KIAA0319L: variants seen among roughly 807,000 people sequenced by gnomAD.
KIAA0319L encodes the protein dyslexia-associated protein KIAA0319-like protein.
KIAA0319L carries 55 observed loss-of-function variants against 120.1 expected under a neutral mutation model. The ratio of observed to expected loss-of-function variants is 0.46; its 90% confidence interval spans 0.37 to 0.57. The LOEUF (loss-of-function observed/expected upper bound fraction) is 0.57, where lower values mean the gene tolerates loss of function less well. Among genes scored for constraint, KIAA0319L ranks in the 20% least tolerant of loss-of-function variants. KIAA0319L has a pLI of 0.00. For synonymous variants in KIAA0319L, 398 were observed against 471.9 expected, an observed-to-expected ratio of 0.84 and a Z score of 2.03; for missense variants, 1,049 against 1,255.3, an observed-to-expected ratio of 0.84 and a Z score of 2.48.
intron 5 of KIAA0319L, among the ~76,000 whole-genome samples, chr1:35,472,896 C>T (rs1558391544): frequency 6.7e-6 from 1 of 148,864 alleles, no homozygotes; most frequent in East Asian, 2.0e-4. Context: ...TCAAGCAATT[C>T]TCAAGCCTCA....
chr1:35,518,599 T>C (rs1645778287), intron 2 of KIAA0319L, among the ~76,000 whole-genome samples: 1 of 152,062 alleles, frequency 6.6e-6, no homozygotes, highest in Admixed American at 6.6e-5. Context: ...AAATAACTAT[T>C]GGGTACTAGG....
intron 9 of KIAA0319L, among the ~76,000 whole-genome samples, 178 bp downstream of exon 9, chr1:35,460,127 A>G (rs570084105): frequency 6.6e-6 from 1 of 152,344 alleles, no homozygotes; most frequent in Non-Finnish European, 1.5e-5. Context: ...CTAAAAAGTT[A>G]CCATTGTTGT....
chr1:35,537,615 TAAAAAAAAA>T (rs58080321), intron 2 of KIAA0319L, among the ~76,000 whole-genome samples: 1 of 102,938 alleles, frequency 9.7e-6, no homozygotes, highest in South Asian at 3.3e-4. Context: ...TAAGCGCCAT[TAAAAAAAAA>T]AAAAAAAAAA....
chr1:35,502,107 T>C (rs1410665418), intron 3 of KIAA0319L, among the ~76,000 whole-genome samples: 6 of 151,606 alleles, frequency 4.0e-5, no homozygotes, highest in African/African-American at 7.3e-5. Context: ...TGAAATGCCA[T>C]CTCTACTAAA....
At chr1:35,470,492 CAAAA>C (rs34215571) in intron 6 of KIAA0319L, among the ~76,000 whole-genome samples, 5 of 73,390 alleles carry the variant, frequency 6.8e-5, no homozygotes, top group East Asian at 4.0e-4. Context: ...GACCCTGTCT[CAAAA>C]AAAAAAAAAA....
chr1:35,516,821 A>C (rs938106444), intron 2 of KIAA0319L, among the ~76,000 whole-genome samples: 5 of 152,212 alleles, frequency 3.3e-5, no homozygotes, highest in Non-Finnish European at 5.9e-5. Context: ...GTCTCGGCCC[A>C]AAAGCTGCTT....
rs4045085 is a variant in KIAA0319L at position 35,486,737 on chromosome 1, C to CAAAA, written c.667-7529_667-7526dup. Among the ~76,000 whole-genome samples, 24 of 86,940 alleles carry CAAAA rather than the reference C, an allele frequency of 2.8e-4. 1 individual carries two copies. In the East Asian group the frequency reaches 6.9e-3, roughly 25 times the overall value. The allele number at this position is 86,940 out of a possible 152,430, so 57.0% of individuals were successfully genotyped here. On this transcript the variant is annotated intron_variant, in intron 3 of 20. Transcript: ENST00000325722. The stretch of plus-strand genomic sequence containing the variant: ...ACAACATAGCGAGACCCCATTTCTA[C>CAAAA]AAAAAAAAAAAAAAAAAATTATAAT...
chr1:35,449,925 T>C lies in KIAA0319L; in HGVS notation c.2295A>G (p.Lys765=). ...LVEGTYTFHL[K]VTDAKGESDT... is the part of the protein sequence containing the mutation. ...CACTCTCACCCTTTGCATCGGTCAC[T>C]TTCAGGTGAAAAGTGTAGGTTCCCT... is the stretch of plus-strand genomic sequence containing the variant. The change falls in exon 15 of 21, where the codon AAA becomes AAG. Residue 765 remains lysine (K), a synonymous_variant. Transcript: ENST00000325722. 6.2e-7 allele frequency: 1 copy of C among 1,614,140 alleles called. No individual in the cohort carries two copies.
At chr1:35,547,327 T>C (rs964092631) in intron 2 of KIAA0319L, among the ~76,000 whole-genome samples, 1 of 149,966 alleles carries the variant, frequency 6.7e-6, no homozygotes, top group Non-Finnish European at 1.5e-5. Context: ...ACATTATATA[T>C]ATATATACAC....
intron 4 of KIAA0319L, among the ~76,000 whole-genome samples, chr1:35,476,311 T>C (rs1422669706): frequency 6.6e-6 from 1 of 152,188 alleles, no homozygotes; most frequent in African/African-American, 2.4e-5. Context: ...CTAAAAATGT[T>C]TGCAGACCAC....
rs999989679 is a variant in KIAA0319L at position 35,450,414 on chromosome 1, C to T, written c.2158G>A (p.Asp720Asn). ...AELDGSKSSD[D>N]KGIVSYLWTR... is the part of the protein sequence containing the mutation. ...CAGAGGTAGCTGACTATTCCCTTGT[C>T]ATCTGAGGACTTAGAGCCATCCAGC... The change falls in exon 14 of 21, where the codon GAC (aspartate) becomes AAC (asparagine). Residue 720 changes from aspartate to asparagine, a missense_variant. Physicochemically the swap from Asp to Asn is conservative, Grantham distance 23. Coordinates refer to ENST00000325722, the MANE Select transcript of KIAA0319L (RefSeq NM_024874.5). 1 of 1,614,162 alleles carries T rather than the reference C, an allele frequency of 6.2e-7. No individual in the cohort carries two copies. The highest frequency in any genetic ancestry group is 8.5e-7 in the Non-Finnish European group (1 of 1,180,012).
intron 3 of KIAA0319L, among the ~76,000 whole-genome samples, chr1:35,482,342 T>C (rs1246344330): frequency 6.6e-6 from 1 of 152,144 alleles, no homozygotes; most frequent in East Asian, 1.9e-4. Context: ...TATAATTTGT[T>C]TATTCATTCA....
chr1:35,489,373 C>T (rs977013623), intron 3 of KIAA0319L, among the ~76,000 whole-genome samples: 6 of 152,012 alleles, frequency 3.9e-5, no homozygotes, highest in Non-Finnish European at 8.8e-5. Context: ...AACAGTGATC[C>T]CTAAGAAATG....
intron 2 of KIAA0319L, among the ~76,000 whole-genome samples, chr1:35,522,731 G>C (rs1345745149): frequency 6.6e-6 from 1 of 151,906 alleles, no homozygotes; most frequent in African/African-American, 2.4e-5. Context: ...AAAAGATCTT[G>C]TATGGGCCGG....
At chr1:35,462,966 G>A (rs925222921) in intron 7 of KIAA0319L, among the ~76,000 whole-genome samples, 1 of 152,070 alleles carries the variant, frequency 6.6e-6, no homozygotes, top group Non-Finnish European at 1.5e-5. Flanking sequence ...CAAAAGGAGT[G>A]TACAACCTAG....
chr1:35,466,040 T>C (rs1039985859), intron 7 of KIAA0319L, among the ~76,000 whole-genome samples: 1 of 152,148 alleles, frequency 6.6e-6, no homozygotes, highest in Non-Finnish European at 1.5e-5. Context: ...ACCATGAAAA[T>C]GTACTAATAC....
intron 2 of KIAA0319L, among the ~76,000 whole-genome samples, chr1:35,521,799 C>G (rs1055185919): frequency 6.6e-6 from 1 of 151,274 alleles, no homozygotes; most frequent in Non-Finnish European, 1.5e-5. Context: ...AGTGAAACCC[C>G]GTCTCTACTA....
chr1:35,483,521 C>A (rs913244852), intron 3 of KIAA0319L, among the ~76,000 whole-genome samples: 2 of 152,182 alleles, frequency 1.3e-5, no homozygotes, highest in African/African-American at 4.8e-5. Context: ...TGCACTGGCA[C>A]ATCAATGGAC....
At chr1:35,484,453 T>C (rs1644286995) in intron 3 of KIAA0319L, among the ~76,000 whole-genome samples, 1 of 152,166 alleles carries the variant, frequency 6.6e-6, no homozygotes, top group Non-Finnish European at 1.5e-5. Flanking sequence ...TATTCATTGC[T>C]AATATAGAAA....
Sources: gnomAD v4.1 joint callset for allele counts (sites outside exome capture counted in the v4.1 genomes callset) on GRCh38, gnomAD v4.1.1 for gene constraint, MANE v1.5 for transcripts, NCBI Gene and HGNC (gene_info 2026-07-23, HGNC 2026-07-21) for gene names.